Variants in KIFC1 observed in about 807,000 individuals in gnomAD.
KIFC1 encodes kinesin family member C1.
A neutral mutation model predicts 66.6 loss-of-function variants in KIFC1; 37 were observed. The observed-to-expected ratio is 0.56, with a 90% CI of 0.43 to 0.73. The LOEUF (loss-of-function observed/expected upper bound fraction) is 0.73. KIFC1 is among the 30% of genes least tolerant of loss of function. The pLI is 0.00. For missense variants in KIFC1, 721 were observed against 859.8 expected, an observed-to-expected ratio of 0.84 and a Z score of 2.02; for synonymous variants, 325 against 343.5, an observed-to-expected ratio of 0.95 and a Z score of 0.60.
Position 33,409,875 on chromosome 6 carries a change from G to C in KIFC1, c.*185G>C. ...TAGTTTGGTTTTTTTTTTAAATAAA[G>C]GTTTTATTAGCATTTGCCCAAGAAG... On this transcript the variant is annotated 3_prime_UTR_variant, in exon 11 of 11. Coordinates refer to ENST00000428849, the MANE Select transcript of KIFC1 (RefSeq NM_002263.4). The C allele has an allele frequency of 1.6e-6, 1 of 612,804 alleles. No individual in the cohort carries two copies. The highest frequency in any genetic ancestry group is 2.8e-6 in the Non-Finnish European group (1 of 354,280). The allele number at this position is 612,804 out of a possible 1,614,324, so 38.0% of individuals were successfully genotyped here.
At chr6:33,397,782 C>T (rs1775132802) in intron 1 of KIFC1, among the ~76,000 whole-genome samples, 1 of 152,206 alleles carries the variant, frequency 6.6e-6, no homozygotes, top group African/African-American at 2.4e-5. Flanking sequence ...AGCATCCATT[C>T]CTCTCTGCTT....
rs1034312601 is a variant in KIFC1, at chr6:33,404,187, C to T, written c.756+58C>T. On this transcript the variant is annotated intron_variant, in intron 6 of 10. Coordinates refer to ENST00000428849, the MANE Select transcript of KIFC1 (RefSeq NM_002263.4). The surrounding 1 kb of genome is among the most constrained non-coding windows in gnomAD (Gnocchi z 4.0). Reference sequence around the variant, plus strand: ...CGCTTTCCTGGCAGAGGTCATGCCTCCCCTCCCTTCCAGGTACCCCTCAAG... The same window carrying T: ...CGCTTTCCTGGCAGAGGTCATGCCTTCCCTCCCTTCCAGGTACCCCTCAAG... The T allele has an allele frequency of 1.2e-5, 19 of 1,521,100 alleles. No homozygotes were observed. The East Asian group carries it at 4.3e-4, about 34-fold the overall frequency. The allele number at this position is 1,521,100 out of a possible 1,614,324, so 94.2% of individuals were successfully genotyped here. A position where few individuals can be genotyped will look rare whatever the true frequency, so the allele number is the denominator to read the frequency against.
chr6:33,405,666 G>T lies in KIFC1; in HGVS notation c.1536+35G>T. ...CATGGGCACTGGAACTGGGAAATGG[G>T]GAGGAGTGGGCAGGGTGCCACGAGA... On this transcript the variant is annotated intron_variant, in intron 7 of 10. Coordinates refer to ENST00000428849, the MANE Select transcript of KIFC1 (RefSeq NM_002263.4). The surrounding 1 kb of genome is among the most constrained non-coding windows in gnomAD (Gnocchi z 5.4). 6.8e-7 allele frequency: 1 copy of T among 1,473,778 alleles called. No homozygotes were observed. The highest frequency in any genetic ancestry group is 9.0e-7 in the Non-Finnish European group (1 of 1,115,854). The allele number at this position is 1,473,778 out of a possible 1,614,324, so 91.3% of individuals were successfully genotyped here. A position where few individuals can be genotyped will look rare whatever the true frequency, so the allele number is the denominator to read the frequency against.
rs190303475 is a variant in KIFC1 at position 33,409,857 on chromosome 6, G to T, written c.*167G>T. 7.1e-4 allele frequency: 426 copies of T among 604,084 alleles called. 1 individual carries two copies. Among genetic ancestry groups the T allele is most frequent in the African/African-American group, 3.1e-3 (159 of 51,896 alleles). The allele number at this position is 604,084 out of a possible 1,614,324, so 37.4% of individuals were successfully genotyped here. On this transcript the variant is annotated 3_prime_UTR_variant, in exon 11 of 11. Transcript: ENST00000428849. ...GGGCTATCAAATAAAGAATAGTTTGGTTTTTTTTTTAAATAAAGGTTTTAT... is the reference window on the plus strand; with the variant it reads ...GGGCTATCAAATAAAGAATAGTTTGTTTTTTTTTTTAAATAAAGGTTTTAT...
rs1458745619 is a variant in KIFC1 at position 33,398,465 on chromosome 6, TTTTA to T, written c.250+82_250+85del. The T allele has an allele frequency of 2.6e-6, 3 of 1,133,462 alleles. No homozygotes were observed. The African/African-American group carries it at 4.7e-5, about 18-fold the overall frequency. The allele number at this position is 1,133,462 out of a possible 1,614,324, so 70.2% of individuals were successfully genotyped here. ...AACTCACTTGTTTCTTTTCTTTCAA[TTTTA>T]TTTTATTTTTTTTGAGACAGAGTCT... On this transcript the variant is annotated intron_variant, in intron 3 of 10. Coordinates refer to ENST00000428849, the MANE Select transcript of KIFC1 (RefSeq NM_002263.4).
At chr6:33,393,457 T>TG in intron 1 of KIFC1, among the ~76,000 whole-genome samples, 1 of 106,458 alleles carries the variant, frequency 9.4e-6, no homozygotes, top group African/African-American at 3.1e-5. Flanking sequence ...TTTTTTTTTT[T>TG]GAGACAGGTT....
chr6:33,392,248 T>A (rs1774825094), intron 1 of KIFC1, among the ~76,000 whole-genome samples: 1 of 152,188 alleles, frequency 6.6e-6, no homozygotes, highest in Non-Finnish European at 1.5e-5. Flanking sequence ...TCCCTTAACT[T>A]TCATGTCTCC....
At chr6:33,393,116 A>G (rs1263009208) in intron 1 of KIFC1, among the ~76,000 whole-genome samples, 1 of 152,168 alleles carries the variant, frequency 6.6e-6, no homozygotes, top group Non-Finnish European at 1.5e-5. Flanking sequence ...GATGAGTTGA[A>G]TAAAGACTTG....
At chr6:33,391,791 G>A, upstream of KIFC1, 2 of 690,596 alleles carry the variant, frequency 2.9e-6, no homozygotes, top group Non-Finnish European at 5.2e-6. Flanking sequence ...GTCCCTGCGT[G>A]CAGAGCGCGG....
chr6:33,405,303 C>T lies in KIFC1; in HGVS notation c.1208C>T (p.Pro403Leu). Residue 403 changes from proline (P) to leucine (L), a missense_variant, in exon 7 of 11, where the codon CCA (proline) becomes CTA (leucine). Transcript: ENST00000428849. The surrounding 1 kb of genome is among the most constrained non-coding windows in gnomAD (Gnocchi z 5.4). ...GTCCAGTCAGCCCTGGATGGCTATC[C>T]AGTATGCATCTTTGCCTATGGCCAG... ...MLVQSALDGY[P>L]VCIFAYGQTG... 6.2e-7 allele frequency: 1 copy of T among 1,614,128 alleles called. No homozygotes were observed.
chr6:33,395,972 T>A (rs900184585), intron 1 of KIFC1, among the ~76,000 whole-genome samples: 10 of 152,224 alleles, frequency 6.6e-5, no homozygotes, highest in African/African-American at 2.4e-4. Context: ...TTCAATTTCA[T>A]TCCTTCAAAA....
intron 1 of KIFC1, among the ~76,000 whole-genome samples, chr6:33,395,024 G>A (rs975027298): frequency 2.6e-5 from 4 of 152,218 alleles, no homozygotes; most frequent in African/African-American, 9.6e-5. Flanking sequence ...GGAGTAATCA[G>A]TTGTATCAGA....
chr6:33,399,517 C>T (rs1365481640), intron 3 of KIFC1, among the ~76,000 whole-genome samples: 1 of 152,194 alleles, frequency 6.6e-6, no homozygotes, highest in Non-Finnish European at 1.5e-5. Context: ...ATAGAATGTA[C>T]TTACTGAAAC....
intron 1 of KIFC1, among the ~76,000 whole-genome samples, 166 bp downstream of exon 1, chr6:33,392,163 G>C (rs952492601): frequency 2.0e-5 from 3 of 152,220 alleles, no homozygotes; most frequent in Non-Finnish European, 4.4e-5. Context: ...CAGGAGTGGA[G>C]ACGGCTTAGA....
Position 33,401,460 on chromosome 6 carries a change from T to G in KIFC1, c.251-1854T>G, listed in dbSNP as rs1775369624. 6.6e-6 allele frequency among the ~76,000 whole-genome samples: 1 copy of G among 152,080 alleles called. No individual in the cohort carries two copies. Among genetic ancestry groups the G allele is most frequent in the Non-Finnish European group, 1.5e-5 (1 of 68,012 alleles). Reference sequence around the variant, plus strand: ...GAAATTCTTTTTTTAATTTAAAATTTTATTTATTTGTATTTTTTCCAAGAA... The same window carrying G: ...GAAATTCTTTTTTTAATTTAAAATTGTATTTATTTGTATTTTTTCCAAGAA... On this transcript the variant is annotated intron_variant, in intron 3 of 10. Coordinates refer to ENST00000428849, the MANE Select transcript of KIFC1 (RefSeq NM_002263.4). The surrounding 1 kb of genome is among the most constrained non-coding windows in gnomAD (Gnocchi z 4.5).
chr6:33,402,559 T>C (rs1373972129), intron 3 of KIFC1, among the ~76,000 whole-genome samples: 1 of 149,320 alleles, frequency 6.7e-6, no homozygotes, highest in Non-Finnish European at 1.5e-5. Context: ...CTGTCTCTAC[T>C]AAAAATACAA....
rs1775571706 is a variant in KIFC1, at chr6:33,405,078, C to T, written c.983C>T (p.Pro328Leu). 6.2e-7 allele frequency: 1 copy of T among 1,614,094 alleles called. No homozygotes were observed. The highest frequency in any genetic ancestry group is 8.5e-7 in the Non-Finnish European group (1 of 1,179,972). ...RPVLPGEPTPPPGLLLFPSGP... is the reference protein window; with the variant it reads ...RPVLPGEPTPLPGLLLFPSGP... ...GTCCTGCCGGGGGAGCCCACTCCAC[C>T]CCCTGGCCTCCTCCTGTTTCCCTCT... The change falls in exon 7 of 11, where the codon CCC (proline) becomes CTC (leucine). Residue 328 changes from proline (P) to leucine (L), a missense_variant. Transcript: ENST00000428849. This position sits in a 1 kb window ranked among gnomAD's most constrained non-coding sequence, Gnocchi z 5.4.
chr6:33,391,886 C>A lies in KIFC1; in HGVS notation c.-100C>A. 1 of 1,462,268 alleles carries A rather than the reference C, an allele frequency of 6.8e-7. No homozygotes were observed. Among genetic ancestry groups the A allele is most frequent in the Non-Finnish European group, 9.5e-7 (1 of 1,051,036 alleles). 90.6% of individuals were successfully genotyped at this position (1,462,268 alleles called of 1,614,324 possible). ...CGGCCGGAGCCGTGCGAGTTCTCTA[C>A]CCTGCTTCGCGAGCGGGCGAGAGAA... On this transcript the variant is annotated 5_prime_UTR_variant, in exon 1 of 11. Coordinates refer to ENST00000428849, the MANE Select transcript of KIFC1 (RefSeq NM_002263.4).
At chr6:33,407,046 G>A (rs9278049) in intron 10 of KIFC1, 171 bp downstream of exon 10, 173,529 of 1,412,444 alleles carry the variant, frequency 0.12, 11,954 homozygotes, top group Middle Eastern at 0.17. Context: ...TTTGAGTTAA[G>A]TTTTTTAAAA....
Sources: allele counts gnomAD v4.1 joint callset (sites outside exome capture counted in the v4.1 genomes callset), GRCh38; gene constraint gnomAD v4.1.1; non-coding constraint Gnocchi (gnomAD v3.1); transcripts MANE v1.5; gene names NCBI Gene and HGNC (gene_info 2026-07-23, HGNC 2026-07-21).